Variants in MMP8 observed in about 807,000 individuals in gnomAD.
MMP8 encodes the protein neutrophil collagenase.
Under a neutral mutation model 51.2 loss-of-function variants are expected in MMP8, and 67 were observed. That is an observed-to-expected ratio of 1.31 (90% CI 1.08 to 1.60). The LOEUF is 1.60. Among genes scored for constraint, MMP8 ranks in the 40% most tolerant of loss-of-function variants. MMP8 has a pLI of 0.00. For missense variants in MMP8, 654 were observed against 558.1 expected (o/e 1.17, Z -1.73); for synonymous variants, 225 against 191.0 (o/e 1.18, Z -1.47).
At chr11:102,715,928 T>G (rs770423207) in intron 6 of MMP8, among the ~76,000 whole-genome samples, 1 of 152,190 alleles carries the variant, frequency 6.6e-6, no homozygotes. Context: ...GGTGCTTTGG[T>G]GTTTCAGCTA....
chr11:102,722,735 T>C, intron 1 of MMP8, 62 bp from the exon 2 acceptor site: 2 of 1,586,462 alleles, frequency 1.3e-6, no homozygotes, highest in African/African-American at 2.7e-5. Context: ...TCTGGTCATT[T>C]TGCAACCCTT....
chr11:102,723,803 A>G (rs1462326723), intron 1 of MMP8: 1 of 253,890 alleles, frequency 3.9e-6, no homozygotes. Flanking sequence ...TTCAAGGGAC[A>G]CACTCTAACC....
At chr11:102,721,790 T>C in intron 2 of MMP8, 28 bp from the exon 3 acceptor site, 2 of 1,611,064 alleles carry the variant, frequency 1.2e-6, no homozygotes, top group South Asian at 2.2e-5. Context: ...GTATGAAGAG[T>C]TAAATGTTAT....
chr11:102,723,881 C>T (rs1240036733), intron 1 of MMP8: 2 of 283,554 alleles, frequency 7.1e-6, no homozygotes, highest in Middle Eastern at 4.1e-4. Context: ...CAAATCTTAA[C>T]TCTGCCATGA....
Position 102,711,872 on chromosome 11 carries a change from A to C in MMP8, c.*1476T>G, listed in dbSNP as rs1861133935. On this transcript the variant is annotated 3_prime_UTR_variant, in exon 10 of 10. Coordinates refer to ENST00000236826, the MANE Select transcript of MMP8 (RefSeq NM_002424.3). The stretch of plus-strand genomic sequence containing the variant: ...TTTTTGAACAAGCATAAAGGTGCCA[A>C]TTTAATTATCTGTGGGATTTAAAAA... 1 of 152,184 alleles carries C rather than the reference A, an allele frequency of 6.6e-6. No individual in the cohort carries two copies. Among genetic ancestry groups the C allele is most frequent in the African/African-American group, 2.4e-5 (1 of 41,468 alleles). The allele number at this position is 152,184 out of a possible 1,614,324, so 9.4% of individuals were successfully genotyped here.
chr11:102,718,515 GA>G lies in MMP8; in HGVS notation c.682del (p.Ser228ProfsTer7). On this transcript the variant is annotated frameshift_variant, in exon 5 of 10. Transcript: ENST00000236826. LOFTEE classifies it high-confidence loss of function. ...EFGHSLGLAHSSDPGALMYPN... is the reference protein window; with the variant it reads ...EFGHSLGLAHXSDPGALMYPN... ...ATACATCAAGGCACCAGGGTCAGAG[GA>G]GTGAGCGAGCCCCAAAGAATGGCCA... The G allele has an allele frequency of 6.2e-7, 1 of 1,613,962 alleles. No individual in the cohort carries two copies. Among genetic ancestry groups the G allele is most frequent in the East Asian group, 2.2e-5 (1 of 44,878 alleles).
At chr11:102,724,698 A>T in intron 1 of MMP8, 56 bp downstream of exon 1, 1 of 1,446,210 alleles carries the variant, frequency 6.9e-7, no homozygotes, top group Non-Finnish European at 9.4e-7. Context: ...AAAACAACCC[A>T]CACTATTTCC....
At chr11:102,722,025 C>CATAT (rs1861488800) in intron 2 of MMP8, among the ~76,000 whole-genome samples, 1 of 152,008 alleles carries the variant, frequency 6.6e-6, no homozygotes, top group African/African-American at 2.4e-5. Flanking sequence ...GGATTAAATA[C>CATAT]ATATAAAGCA....
chr11:102,723,692 T>A, intron 1 of MMP8: 1 of 298,136 alleles, frequency 3.4e-6, no homozygotes, highest in Admixed American at 4.6e-5. Context: ...CCAGCAAAAA[T>A]TAATCCAGTC....
rs1435251056 is a variant in MMP8, at chr11:102,722,904, A to C, written c.103-231T>G. The C allele has an allele frequency of 2.9e-6, 3 of 1,043,036 alleles. No homozygotes were observed. The East Asian group carries it at 1.0e-4, about 35-fold the overall frequency. 64.6% of individuals were successfully genotyped at this position (1,043,036 alleles called of 1,614,324 possible). A position where few individuals can be genotyped will look rare whatever the true frequency, so the allele number is the denominator to read the frequency against. ...TATGCATAAAAAAGGGTGTCTCATA[A>C]GGGATGAGGATCACATCACACAGGC... On this transcript the variant is annotated intron_variant, in intron 1 of 9. Coordinates refer to ENST00000236826, the MANE Select transcript of MMP8 (RefSeq NM_002424.3).
chr11:102,718,808 C>A (rs1226119512), intron 4 of MMP8, among the ~76,000 whole-genome samples: 2 of 152,116 alleles, frequency 1.3e-5, no homozygotes, highest in African/African-American at 4.8e-5. Flanking sequence ...CTCTTAGAAC[C>A]CAGAAAAGCT....
chr11:102,721,809 G>A, intron 2 of MMP8, 47 bp from the exon 3 acceptor site: 2 of 1,597,730 alleles, frequency 1.3e-6, no homozygotes, highest in African/African-American at 1.3e-5. Context: ...ATTTAGAACA[G>A]TAGTCCATCA....
intron 1 of MMP8, among the ~76,000 whole-genome samples, chr11:102,724,533 T>TC: frequency 1.3e-5 from 2 of 152,328 alleles, no homozygotes; most frequent in Middle Eastern, 3.4e-3. Context: ...AGCAGTATTT[T>TC]CCCAGCCTTT....
chr11:102,713,312 A>G lies in MMP8; in HGVS notation c.*36T>C. ...AATGCTTGCTGAACTTCCCTTCAAC[A>G]TTCTGAAAGTGGATACAGCCACATT... On this transcript the variant is annotated 3_prime_UTR_variant, in exon 10 of 10. Transcript: ENST00000236826. 6.9e-7 allele frequency: 1 copy of G among 1,443,460 alleles called. No homozygotes were observed. 89.4% of individuals were successfully genotyped at this position (1,443,460 alleles called of 1,614,324 possible).
At chr11:102,723,192 A>G (rs1252529157) in intron 1 of MMP8, 4 of 499,946 alleles carry the variant, frequency 8.0e-6, no homozygotes, top group Non-Finnish European at 1.4e-5. Flanking sequence ...ATAATTTCAA[A>G]TATCTTTTAG....
In MMP8 at chr11:102,716,350, A is replaced by T; in HGVS notation, c.854T>A (p.Phe285Tyr). Residue 285 changes from phenylalanine (F) to tyrosine (Y), a missense_variant, in exon 6 of 10, where the codon TTT becomes TAT. Phe to Tyr is a conservative substitution (Grantham distance 22). Coordinates refer to ENST00000236826, the MANE Select transcript of MMP8 (RefSeq NM_002424.3). ...TPKPCDPSLT[F>Y]DAITTLRGEI... ...TCCACGGAGTGTGGTGATAGCATCA[A>T]ATGTCAAACTGGGGTCACAGGGTTT... The T allele has an allele frequency of 6.2e-7, 1 of 1,608,482 alleles. No homozygotes were observed. Among genetic ancestry groups the T allele is most frequent in the Non-Finnish European group, 8.5e-7 (1 of 1,176,836 alleles).
chr11:102,716,418 T>C lies in MMP8; in HGVS notation c.786A>G (p.Gly262=). Residue 262 remains glycine (G), a splice_region_variant and synonymous_variant, in exon 6 of 10, where the codon GGA becomes GGG. Transcript: ENST00000236826. ...DDIDGIQAIY[G]LSSNPIQPTG... ...TAGGTTGGATAGGGTTGCTTGAAAGTCCTGGAAAAAAAAAAAAAAAAAAAA... is the reference window on the plus strand; with the variant it reads ...TAGGTTGGATAGGGTTGCTTGAAAGCCCTGGAAAAAAAAAAAAAAAAAAAA... The C allele has an allele frequency of 2.4e-6, 2 of 826,832 alleles. No individual in the cohort carries two copies. The highest frequency in any genetic ancestry group is 3.5e-6 in the Non-Finnish European group (2 of 574,512). 51.2% of individuals were successfully genotyped at this position (826,832 alleles called of 1,614,324 possible).
chr11:102,722,161 A>G (rs1861491975), intron 2 of MMP8, among the ~76,000 whole-genome samples: 1 of 149,880 alleles, frequency 6.7e-6, no homozygotes, highest in Non-Finnish European at 1.5e-5. Flanking sequence ...GTTGGGTCCT[A>G]AAGTAAGTGC....
chr11:102,724,767 G>T lies in MMP8; in HGVS notation c.89C>A (p.Thr30Lys). Residue 30 changes from threonine (T) to lysine (K), a missense_variant, in exon 1 of 10, where the codon ACA becomes AAA. Thr to Lys is a moderately conservative substitution (Grantham distance 78, BLOSUM62 -1). Transcript: ENST00000236826. ...TAGTTCATTTACCTGAACAGTTTTTGTATTTTTCTCTTTAGAAGATACAGG... is the reference window on the plus strand; with the variant it reads ...TAGTTCATTTACCTGAACAGTTTTTTTATTTTTCTCTTTAGAAGATACAGG... ...AFPVSSKEKNTKTVQDYLEKF... is the reference protein window; with the variant it reads ...AFPVSSKEKNKKTVQDYLEKF... 6.3e-7 allele frequency: 1 copy of T among 1,596,248 alleles called. No homozygotes were observed. The highest frequency in any genetic ancestry group is 2.2e-5 in the East Asian group (1 of 44,498).
Sources: allele counts gnomAD v4.1 joint callset (sites outside exome capture counted in the v4.1 genomes callset), GRCh38; gene constraint gnomAD v4.1.1; transcripts MANE v1.5; gene names NCBI Gene and HGNC (gene_info 2026-07-23, HGNC 2026-07-21).